The following TG variants were observed in gnomAD, a reference collection of about 807,000 sequenced individuals.
TG encodes thyroglobulin, also known as thyroid hormones.
A neutral mutation model predicts 324.7 loss-of-function variants in TG; 270 were observed. That is an observed-to-expected ratio of 0.83 (90% CI 0.75 to 0.92). The LOEUF (loss-of-function observed/expected upper bound fraction) is 0.92, where lower values mean the gene tolerates loss of function less well. Among genes scored for constraint, TG ranks in the 40% least tolerant of loss-of-function variants. The pLI is 0.00. For missense variants in TG, 3,591 were observed against 3,456.4 expected (o/e 1.04, Z -0.98); for synonymous variants, 1,401 against 1,327.0 (o/e 1.06, Z -1.21).
intron 25 of TG, among the ~76,000 whole-genome samples, chr8:132,940,250 GT>G (rs1434746105): frequency 1.3e-5 from 2 of 152,286 alleles, no homozygotes; most frequent in Non-Finnish European, 2.9e-5. Context: ...CTGGTGTTCT[GT>G]CCACCACTCA....
Position 132,935,799 on chromosome 8 carries a change from G to A in TG, c.4976G>A (p.Ser1659Asn). ...LGNSKATSFG[S>N]LRCQVKVRSH... Reference sequence around the variant, plus strand: ...AACTCAAAGGCCACCAGCTTTGGAAGTCTTCGCTGCCAGGTGAAAGTGAGG... The same window carrying A: ...AACTCAAAGGCCACCAGCTTTGGAAATCTTCGCTGCCAGGTGAAAGTGAGG... Residue 1659 changes from serine to asparagine, a missense_variant, in exon 25 of 48, where the codon AGT (serine) becomes AAT (asparagine). Coordinates refer to ENST00000220616, the MANE Select transcript of TG (RefSeq NM_003235.5). The A allele has an allele frequency of 1.2e-6, 2 of 1,612,978 alleles. No homozygotes were observed. Among genetic ancestry groups the A allele is most frequent in the Non-Finnish European group, 1.7e-6 (2 of 1,180,024 alleles).
At chr8:132,959,653 T>C (rs2739078) in intron 27 of TG, among the ~76,000 whole-genome samples, 61,178 of 152,050 alleles carry the variant, frequency 0.4, 15,028 homozygotes, top group Admixed American at 0.53. Flanking sequence ...CTCTCCTTAG[T>C]GTGGTGATTA....
intron 26 of TG, among the ~76,000 whole-genome samples, chr8:132,943,476 G>T (rs564346386): frequency 1.3e-5 from 2 of 152,220 alleles, no homozygotes; most frequent in Non-Finnish European, 2.9e-5. Context: ...CCGGCCTCAG[G>T]TATTTCTCTA....
chr8:133,044,329 C>A (rs1294105539), intron 41 of TG, among the ~76,000 whole-genome samples: 3 of 152,158 alleles, frequency 2.0e-5, no homozygotes, highest in African/African-American at 7.2e-5. Context: ...ATGATGCTTG[C>A]TTTATCTCAG....
In TG at chr8:133,128,337, GCACACACACACACA is replaced by G. The variant is rs59451880; in HGVS notation, c.7863-3442_7863-3429del. Among the ~76,000 whole-genome samples, 68 of 133,804 alleles carry G rather than the reference GCACACACACACACA, an allele frequency of 5.1e-4. 1 individual carries two copies. The highest frequency in any genetic ancestry group is 1.3e-3 in the African/African-American group (49 of 36,626). The allele number at this position is 133,804 out of a possible 152,430, so 87.8% of individuals were successfully genotyped here. A position where few individuals can be genotyped will look rare whatever the true frequency, so the allele number is the denominator to read the frequency against. ...ATCCTGAAACTGAAACAAAAGGCGT[GCACACACACACACA>G]CACACACACACACACACACACACAC... On this transcript the variant is annotated intron_variant, in intron 45 of 47. Coordinates refer to ENST00000220616, the MANE Select transcript of TG (RefSeq NM_003235.5).
intron 37 of TG, among the ~76,000 whole-genome samples, chr8:133,017,131 C>T (rs1037674446): frequency 2.0e-5 from 3 of 152,206 alleles, no homozygotes; most frequent in African/African-American, 7.2e-5. Flanking sequence ...TCCTACATCA[C>T]CCTATATCAC....
intron 41 of TG, chr8:133,039,867 A>C (rs1002234276): frequency 3.4e-6 from 5 of 1,449,640 alleles, no homozygotes; most frequent in Non-Finnish European, 4.6e-6. Flanking sequence ...CCCCAGTTTC[A>C]GCAGGGCTGG....
intron 27 of TG, 65 bp from the exon 28 acceptor site, chr8:132,960,943 C>A: frequency 6.8e-7 from 1 of 1,477,166 alleles, no homozygotes; most frequent in Non-Finnish European, 9.5e-7. Flanking sequence ...GGGGCTATTG[C>A]AGTAATGGTG....
chr8:133,083,985 A>T (rs1002203371), intron 41 of TG, among the ~76,000 whole-genome samples: 4 of 152,006 alleles, frequency 2.6e-5, no homozygotes, highest in Admixed American at 2.6e-4. Context: ...CTGAGAGGTG[A>T]CCCTGATCTC....
At chr8:133,032,305 A>C (rs943298175) in intron 41 of TG, among the ~76,000 whole-genome samples, 1 of 152,178 alleles carries the variant, frequency 6.6e-6, no homozygotes, top group Non-Finnish European at 1.5e-5. Context: ...ATTGAGCACA[A>C]ACATCTTTCA....
intron 32 of TG, 23 bp downstream of exon 32, chr8:132,969,592 C>A: frequency 7.1e-7 from 1 of 1,415,808 alleles, no homozygotes; most frequent in Non-Finnish European, 1.0e-6. Context: ...TGTCTCACCC[C>A]TAATGTTTAT....
chr8:132,897,206 A>G (rs771345946), intron 11 of TG, among the ~76,000 whole-genome samples: 8 of 152,228 alleles, frequency 5.3e-5, no homozygotes, highest in Non-Finnish European at 8.8e-5. Flanking sequence ...TGCTTAATCC[A>G]TCTGTGTCTC....
intron 16 of TG, among the ~76,000 whole-genome samples, 173 bp from the exon 17 acceptor site, chr8:132,906,515 G>A (rs541108892): frequency 6.6e-6 from 1 of 152,172 alleles, no homozygotes; most frequent in South Asian, 2.1e-4. Flanking sequence ...TAGAGGGCAG[G>A]GCAGAGAGAA....
intron 35 of TG, among the ~76,000 whole-genome samples, chr8:132,990,152 A>C (rs1278064582): frequency 1.1e-5 from 1 of 91,898 alleles, no homozygotes; most frequent in Non-Finnish European, 2.7e-5. Flanking sequence ...AAGCTGAGCT[A>C]TACAATTATA....
At chr8:132,930,991 G>T (rs986257837) in intron 23 of TG, among the ~76,000 whole-genome samples, 1 of 152,218 alleles carries the variant, frequency 6.6e-6, no homozygotes, top group African/African-American at 2.4e-5. Context: ...CCAGCACTGT[G>T]TTAGTCTGTT....
At chr8:133,012,068 G>A in intron 36 of TG, 33 bp downstream of exon 36, 1 of 1,613,790 alleles carries the variant, frequency 6.2e-7, no homozygotes, top group South Asian at 1.1e-5. Flanking sequence ...AGGTTGGGTG[G>A]GACAAAACCT....
chr8:133,088,820 G>A (rs1847027911), intron 41 of TG, among the ~76,000 whole-genome samples: 1 of 152,180 alleles, frequency 6.6e-6, no homozygotes, highest in Non-Finnish European at 1.5e-5. Context: ...CCCTGTGATG[G>A]AAGTTTTGCC....
intron 34 of TG, among the ~76,000 whole-genome samples, chr8:132,979,229 G>A (rs1830534645): frequency 6.6e-6 from 1 of 152,172 alleles, no homozygotes; most frequent in African/African-American, 2.4e-5. Flanking sequence ...GGCCTCTGTG[G>A]CATTGGTACT....
chr8:132,936,189 C>T (rs555179249), intron 25 of TG, among the ~76,000 whole-genome samples: 3 of 152,358 alleles, frequency 2.0e-5, no homozygotes, highest in African/African-American at 4.8e-5. Context: ...CACAAAGCTA[C>T]GAAGTGAAGG....
Sources: gnomAD v4.1 joint callset for allele counts (sites outside exome capture counted in the v4.1 genomes callset) on GRCh38, gnomAD v4.1.1 for gene constraint, MANE v1.5 for transcripts, NCBI Gene and HGNC (gene_info 2026-07-23, HGNC 2026-07-21) for gene names.